KLF17: variants seen among roughly 807,000 people sequenced by gnomAD.
KLF17 encodes the protein KLF transcription factor 17, also known as Krueppel-like factor 17.
A neutral mutation model predicts 34.2 loss-of-function variants in KLF17; 31 were observed. The observed-to-expected ratio is 0.91, with a 90% CI of 0.68 to 1.22. The LOEUF (loss-of-function observed/expected upper bound fraction) is 1.22, where lower values mean the gene tolerates loss of function less well. Among genes scored for constraint, KLF17 ranks in the 50% most tolerant of loss-of-function variants. KLF17 has a pLI of 0.00. For synonymous variants in KLF17, 179 were observed against 186.7 expected, an observed-to-expected ratio of 0.96 and a Z score of 0.34; for missense variants, 478 against 505.2, an observed-to-expected ratio of 0.95 and a Z score of 0.52.
the KLF17 span, chr1:44,101,450 T>C: frequency 2.0e-5 from 3 of 152,214 alleles, no homozygotes; most frequent in Non-Finnish European, 2.9e-5. Flanking sequence ...TTATCTTTTA[T>C]GACCTCGACA....
chr1:44,102,788 G>A, the KLF17 span, among the ~76,000 whole-genome samples: 3 of 152,016 alleles, frequency 2.0e-5, no homozygotes, highest in Non-Finnish European at 2.9e-5. Flanking sequence ...TGCACATGTG[G>A]CCAGAGGGGT....
chr1:44,072,168 GTTTT>G, the KLF17 span, among the ~76,000 whole-genome samples: 2 of 147,024 alleles, frequency 1.4e-5, no homozygotes, highest in Non-Finnish European at 3.0e-5. Flanking sequence ...AGGAACCCAG[GTTTT>G]TTTTTTTGTT....
chr1:44,098,103 A>G, the KLF17 span, among the ~76,000 whole-genome samples: 7 of 152,026 alleles, frequency 4.6e-5, no homozygotes, highest in Non-Finnish European at 2.9e-5. Context: ...CTGAGTAGAT[A>G]GGACCACAGG....
the KLF17 span, among the ~76,000 whole-genome samples, chr1:44,065,591 G>C: frequency 9.2e-5 from 14 of 151,890 alleles, no homozygotes; most frequent in African/African-American, 2.9e-4. Flanking sequence ...TGTATTTTTA[G>C]TAGAGACGGG....
rs71036666 is a variant in KLF17 at position 44,127,692 on chromosome 1, T to TTTTCTTTCTTTCTTTC, written c.82-1654_82-1639dup. The stretch of plus-strand genomic sequence containing the variant: ...TTTCTTTCTTTCTTTCTTTCTTTCT[T>TTTTCTTTCTTTCTTTC]TTTCTTTCTTTCTTTCTTTCTTCTC... On this transcript the variant is annotated intron_variant, in intron 1 of 3. Transcript: ENST00000372299. 7.0e-3 allele frequency among the ~76,000 whole-genome samples: 629 copies of TTTTCTTTCTTTCTTTC among 90,086 alleles called. 10 individuals are homozygous for TTTTCTTTCTTTCTTTC. The highest frequency in any genetic ancestry group is 0.016 in the South Asian group (36 of 2,202). 59.1% of individuals were successfully genotyped at this position (90,086 alleles called of 152,430 possible).
chr1:44,062,631 C>T, the KLF17 span, among the ~76,000 whole-genome samples: 2 of 149,766 alleles, frequency 1.3e-5, no homozygotes, highest in East Asian at 2.0e-4. Flanking sequence ...TGAGGTGATA[C>T]GAGGAGGCCA....
At chr1:44,111,379 G>C in the KLF17 span, among the ~76,000 whole-genome samples, 1 of 148,602 alleles carries the variant, frequency 6.7e-6, no homozygotes, top group Non-Finnish European at 1.5e-5. Flanking sequence ...ATATGTTGGT[G>C]TATCCATAAA....
At chr1:44,083,318 T>C in the KLF17 span, among the ~76,000 whole-genome samples, 2 of 151,614 alleles carry the variant, frequency 1.3e-5, no homozygotes, top group Non-Finnish European at 2.9e-5. Context: ...AAATTGTTAA[T>C]TGCTTAAGTT....
At chr1:44,122,167 C>A (rs1263627103) in intron 1 of KLF17, 4 of 1,580,972 alleles carry the variant, frequency 2.5e-6, no homozygotes, top group Non-Finnish European at 2.6e-6. Context: ...CGCCTAGGAC[C>A]CCCTCTTCCT....
At chr1:44,073,256 G>C in the KLF17 span, among the ~76,000 whole-genome samples, 2 of 149,864 alleles carry the variant, frequency 1.3e-5, no homozygotes, top group Admixed American at 1.3e-4. Flanking sequence ...GCCCAGGTTG[G>C]AGTGCAATGG....
upstream of KLF17, chr1:44,114,914 A>T (rs1394117348): frequency 6.6e-6 from 1 of 152,194 alleles, no homozygotes; most frequent in Non-Finnish European, 1.5e-5. Flanking sequence ...ATTGCATTCT[A>T]TGTGGAAGTT....
chr1:44,122,993 G>A (rs1320625353), intron 1 of KLF17, among the ~76,000 whole-genome samples: 3 of 152,066 alleles, frequency 2.0e-5, no homozygotes, highest in Admixed American at 6.6e-5. Flanking sequence ...CAATTATTTG[G>A]TAATTTTGAA....
chr1:44,129,751 C>G lies in KLF17; in HGVS notation c.480C>G (p.Val160=), dbSNP rs770450034. 42 of 1,614,072 alleles carry G rather than the reference C, an allele frequency of 2.6e-5. No individual in the cohort carries two copies. Among genetic ancestry groups the G allele is most frequent in the African/African-American group, 4.0e-5 (3 of 74,946 alleles). ...NLRMPPNGLP[V]SASTGIPIMS... Reference sequence around the variant, plus strand: ...GGATGCCCCCCAATGGGCTGCCAGTCTCGGCTTCCACTGGAATCCCAATAA... The same window carrying G: ...GGATGCCCCCCAATGGGCTGCCAGTGTCGGCTTCCACTGGAATCCCAATAA... Residue 160 remains valine, a synonymous_variant, in exon 2 of 4, where the codon GTC becomes GTG. Transcript: ENST00000372299.
chr1:44,082,270 C>T, the KLF17 span, among the ~76,000 whole-genome samples: 1 of 152,192 alleles, frequency 6.6e-6, no homozygotes. Context: ...GATTAAGATA[C>T]AGTGATGTAT....
intron 1 of KLF17, among the ~76,000 whole-genome samples, chr1:44,126,546 T>C (rs2088010240): frequency 6.6e-6 from 1 of 151,886 alleles, no homozygotes; most frequent in South Asian, 2.1e-4. Context: ...AGTGTGATAG[T>C]TACCTTGCTG....
At chr1:44,109,281 C>G in the KLF17 span, among the ~76,000 whole-genome samples, 3 of 152,130 alleles carry the variant, frequency 2.0e-5, no homozygotes, top group African/African-American at 4.8e-5. Context: ...TTATAGAGAC[C>G]AGTAAGAGCT....
At chr1:44,099,869 GAAA>G in the KLF17 span, among the ~76,000 whole-genome samples, 2 of 51,420 alleles carry the variant, frequency 3.9e-5, no homozygotes, top group South Asian at 8.3e-4. Context: ...AAGAAAGAAA[GAAA>G]GAAAGAAAGA....
chr1:44,071,579 C>T, the KLF17 span, among the ~76,000 whole-genome samples: 1 of 152,120 alleles, frequency 6.6e-6, no homozygotes, highest in South Asian at 2.1e-4. Flanking sequence ...AACCAACAGT[C>T]CTGTTGGCTC....
At chr1:44,095,415 A>G in the KLF17 span, among the ~76,000 whole-genome samples, 11 of 148,110 alleles carry the variant, frequency 7.4e-5, no homozygotes, top group Admixed American at 6.8e-4. Flanking sequence ...AAGTTTCTCC[A>G]TGTTGGTCAA....
Sources: allele counts gnomAD v4.1 joint callset (sites outside exome capture counted in the v4.1 genomes callset), GRCh38; gene constraint gnomAD v4.1.1; transcripts MANE v1.5; gene names NCBI Gene and HGNC (gene_info 2026-07-23, HGNC 2026-07-21).